The following SDHD variants were observed in gnomAD, a reference collection of about 807,000 sequenced individuals.
SDHD encodes succinate dehydrogenase complex subunit D, also known as succinate dehydrogenase [ubiquinone] cytochrome b small subunit, mitochondrial.
Under a neutral mutation model 18.7 loss-of-function variants are expected in SDHD, and 6 were observed. The ratio of observed to expected loss-of-function variants is 0.32; its 90% confidence interval spans 0.18 to 0.63. The LOEUF (loss-of-function observed/expected upper bound fraction) is 0.63. Among genes scored for constraint, SDHD ranks in the 30% least tolerant of loss-of-function variants. The pLI is 0.79. For synonymous variants in SDHD, 56 were observed against 73.9 expected (o/e 0.76, Z 1.24); for missense variants, 160 against 192.7 (o/e 0.83, Z 1.00).
At chr11:112,094,391 C>T (rs1407732241) in intron 3 of SDHD, among the ~76,000 whole-genome samples, 1 of 151,304 alleles carries the variant, frequency 6.6e-6, no homozygotes, top group Non-Finnish European at 1.5e-5. Context: ...GAGCGAGACT[C>T]TGTCTCAATA....
At chr11:112,089,945 A>C (rs1592781600) in intron 3 of SDHD, among the ~76,000 whole-genome samples, 1 of 147,240 alleles carries the variant, frequency 6.8e-6, no homozygotes, top group Non-Finnish European at 1.5e-5. Flanking sequence ...TTGCCTCTTA[A>C]AAAAAAAAAA....
At chr11:112,094,347 G>A (rs890328347) in intron 3 of SDHD, among the ~76,000 whole-genome samples, 17 of 151,956 alleles carry the variant, frequency 1.1e-4, no homozygotes, top group African/African-American at 4.1e-4. Flanking sequence ...GTAGTGAGCC[G>A]AGATCGTGCC....
intron 3 of SDHD, among the ~76,000 whole-genome samples, chr11:112,094,126 G>A (rs1211284276): frequency 1.3e-5 from 2 of 152,098 alleles, no homozygotes; most frequent in African/African-American, 2.4e-5. Flanking sequence ...CAGGCCAGGC[G>A]CAGTAGCTCA....
chr11:112,089,672 T>A (rs1034173920), intron 3 of SDHD, among the ~76,000 whole-genome samples: 2 of 152,180 alleles, frequency 1.3e-5, no homozygotes, highest in Admixed American at 6.5e-5. Flanking sequence ...TGCCTGAAAC[T>A]CTTTTTCTAG....
chr11:112,088,097 A>G lies in SDHD; in HGVS notation c.169+124A>G. ...TCTTGTGTCCAACTTTGTCAAATGA[A>G]GACCTAGTTTACACCTTTGGGCAGA... On this transcript the variant is annotated intron_variant, in intron 2 of 3. Transcript: ENST00000375549. The G allele has an allele frequency of 5.1e-6, 4 of 786,228 alleles. No homozygotes were observed. The South Asian group carries it at 5.4e-5, about 11-fold the overall frequency. 48.7% of individuals were successfully genotyped at this position (786,228 alleles called of 1,614,324 possible).
chr11:112,087,753 A>G, intron 1 of SDHD, 104 bp from the exon 2 acceptor site: 1 of 788,714 alleles, frequency 1.3e-6, no homozygotes, highest in East Asian at 2.4e-5. Flanking sequence ...ATAAGATGTT[A>G]TCCCCTATTT....
Position 112,095,712 on chromosome 11 carries a change from A to G in SDHD, c.*742A>G, listed in dbSNP as rs567931768. The G allele has an allele frequency of 4.6e-6, 1 of 218,632 alleles. No homozygotes were observed. Among genetic ancestry groups the G allele is most frequent in the East Asian group, 7.0e-5 (1 of 14,254 alleles). 13.5% of individuals were successfully genotyped at this position (218,632 alleles called of 1,614,324 possible). A position where few individuals can be genotyped will look rare whatever the true frequency, so the allele number is the denominator to read the frequency against. On this transcript the variant is annotated 3_prime_UTR_variant, in exon 4 of 4. Coordinates refer to ENST00000375549, the MANE Select transcript of SDHD (RefSeq NM_003002.4). ...TAAATTGTTATTTTCGCACAATGGG[A>G]ATCTCTAATGTGAAAATGTATTCTA...
chr11:112,092,825 T>C (rs1399569464), intron 3 of SDHD, among the ~76,000 whole-genome samples: 1 of 152,152 alleles, frequency 6.6e-6, no homozygotes, highest in Non-Finnish European at 1.5e-5. Flanking sequence ...GGAATGATCA[T>C]AGCAGCATTA....
At chr11:112,091,840 G>A (rs552788894) in intron 3 of SDHD, among the ~76,000 whole-genome samples, 1 of 152,290 alleles carries the variant, frequency 6.6e-6, no homozygotes, top group Non-Finnish European at 1.5e-5. Flanking sequence ...AGGCCGAGGC[G>A]GGCGGATCAT....
chr11:112,095,628 C>T lies in SDHD; in HGVS notation c.*658C>T, dbSNP rs1415965842. On this transcript the variant is annotated 3_prime_UTR_variant, in exon 4 of 4. Coordinates refer to ENST00000375549, the MANE Select transcript of SDHD (RefSeq NM_003002.4). The stretch of plus-strand genomic sequence containing the variant: ...ACCAACTGTAAATTGAGATTTAATT[C>T]CCAAATGTATTCTACTTGTTCTAAA... 3 of 227,328 alleles carry T rather than the reference C, an allele frequency of 1.3e-5. No homozygotes were observed. Among genetic ancestry groups the T allele is most frequent in the Non-Finnish European group, 2.6e-5 (3 of 114,768 alleles). 14.1% of individuals were successfully genotyped at this position (227,328 alleles called of 1,614,324 possible).
At chr11:112,088,644 T>G in intron 2 of SDHD, 1 of 606,068 alleles carries the variant, frequency 1.6e-6, no homozygotes, top group Non-Finnish European at 3.0e-6. Context: ...ATGTAGGCAT[T>G]GAGATACCCT....
At chr11:112,093,742 G>T (rs1865789616) in intron 3 of SDHD, among the ~76,000 whole-genome samples, 1 of 152,062 alleles carries the variant, frequency 6.6e-6, no homozygotes, top group African/African-American at 2.4e-5. Flanking sequence ...GCCTTCCTCT[G>T]ATCTCTGCTT....
At position 112,095,679 on chromosome 11, in the gene SDHD, ATAAG is replaced by A; in HGVS notation, c.*713_*716del. ...ACAATCTGTCCACAAATATAAAACT[ATAAG>A]TAATAAATTGTTATTTTCGCACAAT... On this transcript the variant is annotated 3_prime_UTR_variant, in exon 4 of 4. Transcript: ENST00000375549. The A allele has an allele frequency of 4.5e-6, 1 of 222,000 alleles. No individual in the cohort carries two copies. The highest frequency in any genetic ancestry group is 9.0e-6 in the Non-Finnish European group (1 of 111,270). 13.8% of individuals were successfully genotyped at this position (222,000 alleles called of 1,614,324 possible).
chr11:112,091,325 C>G (rs969689925), intron 3 of SDHD, among the ~76,000 whole-genome samples: 3 of 152,186 alleles, frequency 2.0e-5, no homozygotes, highest in African/African-American at 7.2e-5. Context: ...TTCTGCCCTC[C>G]ACTTGCTTGA....
rs1440670464 is a variant in SDHD at position 112,086,912 on chromosome 11, C to T, written c.5C>T (p.Ala2Val). Reference sequence around the variant, plus strand: ...CCTTGAGCCCTCAGGAACGAGATGGCGGTTCTCTGGAGGCTGAGTGCCGTT... The same window carrying T: ...CCTTGAGCCCTCAGGAACGAGATGGTGGTTCTCTGGAGGCTGAGTGCCGTT... M[A>V]VLWRLSAVCG... The change falls in exon 1 of 4, where the codon GCG becomes GTG. Residue 2 changes from alanine to valine, a missense_variant. Coordinates refer to ENST00000375549, the MANE Select transcript of SDHD (RefSeq NM_003002.4). The T allele has an allele frequency of 3.1e-6, 5 of 1,614,176 alleles. No homozygotes were observed. Among genetic ancestry groups the T allele is most frequent in the East Asian group, 2.2e-5 (1 of 44,884 alleles).
chr11:112,094,147 C>T (rs111877411), intron 3 of SDHD, among the ~76,000 whole-genome samples: 6,871 of 152,178 alleles, frequency 0.045, 521 homozygotes, highest in African/African-American at 0.16. Flanking sequence ...CGCCTGTAGT[C>T]CCAACACTTT....
chr11:112,092,791 G>A (rs1004615179), intron 3 of SDHD, among the ~76,000 whole-genome samples: 2 of 152,126 alleles, frequency 1.3e-5, no homozygotes, highest in African/African-American at 2.4e-5. Context: ...AACTGAAAAC[G>A]TGTCCACGCA....
At chr11:112,087,567 C>T (rs575663886) in intron 1 of SDHD, among the ~76,000 whole-genome samples, 25 of 152,222 alleles carry the variant, frequency 1.6e-4, no homozygotes, top group Admixed American at 7.8e-4. Context: ...TAAAGAGATA[C>T]GCCAATAGGA....
intron 2 of SDHD, chr11:112,088,598 T>A (rs189506591): frequency 2.7e-4 from 135 of 508,160 alleles, no homozygotes; most frequent in Admixed American, 1.3e-4. Context: ...CAATTCTGTT[T>A]TTTATCCATC....
Sources: allele counts gnomAD v4.1 joint callset (sites outside exome capture counted in the v4.1 genomes callset), GRCh38; gene constraint gnomAD v4.1.1; transcripts MANE v1.5; gene names NCBI Gene and HGNC (gene_info 2026-07-23, HGNC 2026-07-21).